The following ARAP3 variants were observed in gnomAD, a reference collection of about 807,000 sequenced individuals.
The protein encoded by ARAP3 is arf-GAP with Rho-GAP domain, ANK repeat and PH domain-containing protein 3.
In ARAP3, 82 loss-of-function variants were observed where a neutral mutation model predicts 169.2. The ratio of observed to expected loss-of-function variants is 0.48; its 90% CI spans 0.41 to 0.58. The LOEUF is 0.58. ARAP3 is among the 20% of genes least tolerant of loss of function. The probability of loss-of-function intolerance (pLI) is 0.00; values close to 1 mark genes in which losing one functional copy is unlikely to be tolerated. For synonymous variants in ARAP3, 791 were observed against 800.3 expected (o/e 0.99, Z 0.20); for missense variants, 1,764 against 2,018.0 (o/e 0.87, Z 2.41).
Position 141,656,832 on chromosome 5 carries a change from G to C in ARAP3, c.3541C>G (p.Pro1181Ala), listed in dbSNP as rs1236004557. 1.2e-6 allele frequency: 2 copies of C among 1,613,314 alleles called. No individual in the cohort carries two copies. The highest frequency in any genetic ancestry group is 1.7e-5 in the Admixed American group (1 of 59,868). Residue 1181 changes from proline (P) to alanine (A), a missense_variant, in exon 26 of 33, where the codon CCC (proline) becomes GCC (alanine). Physicochemically the swap from Pro to Ala is conservative, Grantham distance 27. This residue lies in a region of ARAP3 where 1,112 missense variants were observed against 1,285.7 expected (regional missense o/e 0.86). Coordinates refer to ENST00000239440, the MANE Select transcript of ARAP3 (RefSeq NM_022481.6). ...GCCTGCTCTAAGACCTTTTCCTTGG[G>C]ATGCAGTGGCCGCTCTTAAGGGGAA... ...EHGELERPLH[P>A]KEKVLEQALQ...
rs1306113000 is a variant in ARAP3, at chr5:141,658,586, G to T, written c.3404C>A (p.Thr1135Asn). 3 of 1,613,718 alleles carry T rather than the reference G, an allele frequency of 1.9e-6. No individual in the cohort carries two copies. Among genetic ancestry groups the T allele is most frequent in the East Asian group, 2.2e-5 (1 of 44,878 alleles). ...IEQQLPDNCVTLKVSPTLTAE... is the reference protein window; with the variant it reads ...IEQQLPDNCVNLKVSPTLTAE... Reference sequence around the variant, plus strand: ...AGTCCCCTCAGGACCAACCTTCAGGGTGACACAGTTGTCTGGGAGCTGCTG... The same window carrying T: ...AGTCCCCTCAGGACCAACCTTCAGGTTGACACAGTTGTCTGGGAGCTGCTG... The change falls in exon 24 of 33, where the codon ACC becomes AAC. Residue 1135 changes from threonine (T) to asparagine (N), a missense_variant. By Grantham distance (65) the Thr-to-Asn change is moderately conservative (BLOSUM62 0). Around this residue, in one of 3 missense-constraint regions of ARAP3, gnomAD observed 1,112 missense variants for 1,285.7 expected, o/e 0.86. Coordinates refer to ENST00000239440, the MANE Select transcript of ARAP3 (RefSeq NM_022481.6).
In ARAP3 at chr5:141,672,099, C is replaced by T. The variant is rs1562419930; in HGVS notation, c.1585+3G>A. 7 of 1,614,176 alleles carry T rather than the reference C, an allele frequency of 4.3e-6. No homozygotes were observed. Among genetic ancestry groups the T allele is most frequent in the Non-Finnish European group, 4.2e-6 (5 of 1,180,006 alleles). ...CCCACATGGGCTTGAGGCCATTCCTCACCTGCACACTGCTTGCAGATGACC... is the reference window on the plus strand; with the variant it reads ...CCCACATGGGCTTGAGGCCATTCCTTACCTGCACACTGCTTGCAGATGACC... On this transcript the variant is annotated splice_donor_region_variant and intron_variant, in intron 10 of 32. Coordinates refer to ENST00000239440, the MANE Select transcript of ARAP3 (RefSeq NM_022481.6). This position sits in a 1 kb window ranked among gnomAD's most constrained non-coding sequence, Gnocchi z 4.9.
Position 141,675,582 on chromosome 5 carries a change from G to T in ARAP3, c.699-1774C>A, listed in dbSNP as rs1364649512. On this transcript the variant is annotated intron_variant, in intron 4 of 32. Coordinates refer to ENST00000239440, the MANE Select transcript of ARAP3 (RefSeq NM_022481.6). ...AAAAATACAAAAAAAAATTAGCCAG[G>T]TGTGCTGGCGGGCGCCTGTAATTCC... is the stretch of plus-strand genomic sequence containing the variant. 2.0e-5 allele frequency among the ~76,000 whole-genome samples: 3 copies of T among 152,016 alleles called. No individual in the cohort carries two copies. In the East Asian group the frequency reaches 5.8e-4, roughly 29 times the overall value.
rs143455055 is a variant in ARAP3 at position 141,666,468 on chromosome 5, G to C, written c.2528C>G (p.Pro843Arg). 1,164 of 1,594,578 alleles carry C rather than the reference G, an allele frequency of 7.3e-4. 2 individuals are homozygous for C. The highest frequency in any genetic ancestry group is 9.4e-4 in the Non-Finnish European group (1,104 of 1,170,384). ...FLCSAPGPGPPAPEDMVHLRR... is the reference protein window; with the variant it reads ...FLCSAPGPGPRAPEDMVHLRR... ...CAGATGCACCATGTCCTCAGGGGCTGGGGGGCCTGGGCCCGGCGCTGAGCA... is the reference window on the plus strand; with the variant it reads ...CAGATGCACCATGTCCTCAGGGGCTCGGGGGCCTGGGCCCGGCGCTGAGCA... The change falls in exon 17 of 33, where the codon CCA (proline) becomes CGA (arginine). Residue 843 changes from proline to arginine, a missense_variant. Physicochemically the swap from Pro to Arg is moderately radical, Grantham distance 103. This residue lies in a region of ARAP3 where 1,112 missense variants were observed against 1,285.7 expected (regional missense o/e 0.86). Coordinates refer to ENST00000239440, the MANE Select transcript of ARAP3 (RefSeq NM_022481.6).
chr5:141,665,427 CTATTATT>C, intron 17 of ARAP3, 53 bp from the exon 18 acceptor site: 1 of 1,580,982 alleles, frequency 6.3e-7, no homozygotes, highest in East Asian at 2.2e-5. Context: ...ATTATAGAGA[CTATTATT>C]TATTAAATGC....
rs1444583936 is a variant in ARAP3 at position 141,654,167 on chromosome 5, C to T, written c.4418G>A (p.Ser1473Asn). 6.2e-7 allele frequency: 1 copy of T among 1,613,808 alleles called. No individual in the cohort carries two copies. Among genetic ancestry groups the T allele is most frequent in the Non-Finnish European group, 8.5e-7 (1 of 1,179,808 alleles). ...PEPPPGPPSK[S>N]SPQARGSLEE... The stretch of plus-strand genomic sequence containing the variant: ...TAGGGACCCCCGTGCCTGGGGACTG[C>T]TCTTTGAAGGGGGGCCTGGAGGGGG... Residue 1473 changes from serine (S) to asparagine (N), a missense_variant, in exon 33 of 33, where the codon AGC becomes AAC. Coordinates refer to ENST00000239440, the MANE Select transcript of ARAP3 (RefSeq NM_022481.6).
At position 141,654,438 on chromosome 5, in the gene ARAP3, G is replaced by A; in HGVS notation, c.4150-3C>T. The A allele has an allele frequency of 6.4e-7, 1 of 1,562,378 alleles. No individual in the cohort carries two copies. The highest frequency in any genetic ancestry group is 1.4e-5 in the African/African-American group (1 of 73,506). On this transcript the variant is annotated splice_region_variant and splice_polypyrimidine_tract_variant and intron_variant, in intron 32 of 32. Coordinates refer to ENST00000239440, the MANE Select transcript of ARAP3 (RefSeq NM_022481.6). ...GACCCCTGGGATGACTTCATTGGCT[G>A]GATGGGAATGGAATGGCAGGAGTGG...
At chr5:141,681,419 A>C (rs955668306) in intron 1 of ARAP3, among the ~76,000 whole-genome samples, 4 of 151,776 alleles carry the variant, frequency 2.6e-5, no homozygotes, top group African/African-American at 9.7e-5. Context: ...TTCCCTGCTC[A>C]TTCCCTTGGG....
At position 141,672,767 on chromosome 5, in the gene ARAP3, C is replaced by T. The variant is rs2099911619; in HGVS notation, c.1252G>A (p.Glu418Lys). Residue 418 changes from glutamate (E) to lysine (K), a missense_variant, in exon 8 of 33, where the codon GAG becomes AAG. Coordinates refer to ENST00000239440, the MANE Select transcript of ARAP3 (RefSeq NM_022481.6). This position sits in a 1 kb window ranked among gnomAD's most constrained non-coding sequence, Gnocchi z 4.9. The part of the protein sequence containing the change: ...AKVFAALSPG[E>K]LALYKSEQAF... ...TGCTCACTCTTGTACAGTGCCAGCT[C>T]TCCAGGGCTCAAGGCAGCAAACACC... 20 of 1,614,028 alleles carry T rather than the reference C, an allele frequency of 1.2e-5. No homozygotes were observed. The highest frequency in any genetic ancestry group is 1.6e-5 in the Non-Finnish European group (19 of 1,180,036).
intron 6 of ARAP3, 112 bp downstream of exon 6, chr5:141,673,289 G>T: frequency 6.4e-7 from 1 of 1,557,382 alleles, no homozygotes; most frequent in Middle Eastern, 1.7e-4. Flanking sequence ...CATCAGTCAT[G>T]CAGTCACTGC....
Position 141,670,517 on chromosome 5 carries a change from C to A in ARAP3, c.2102G>T (p.Arg701Leu). The change falls in exon 14 of 33, where the codon CGG (arginine) becomes CTG (leucine). Residue 701 changes from arginine to leucine, a missense_variant. Physicochemically the swap from Arg to Leu is moderately radical, Grantham distance 102. This residue lies in a region of ARAP3 where 1,112 missense variants were observed against 1,285.7 expected (regional missense o/e 0.86). Coordinates refer to ENST00000239440, the MANE Select transcript of ARAP3 (RefSeq NM_022481.6). ...KAGPSPPRRG[R>L]DAPPRLWCVL... Reference sequence around the variant, plus strand: ...ATCCCTTGGCTCCCCCTCACCATCCCGGCCCCTGCGAGGGGGTGAGGGTCC... The same window carrying A: ...ATCCCTTGGCTCCCCCTCACCATCCAGGCCCCTGCGAGGGGGTGAGGGTCC... 6.2e-7 allele frequency: 1 copy of A among 1,613,908 alleles called. No individual in the cohort carries two copies. The highest frequency in any genetic ancestry group is 8.5e-7 in the Non-Finnish European group (1 of 1,179,842).
In ARAP3 at chr5:141,653,821, G is replaced by A. The variant is rs544796161; in HGVS notation, c.*129C>T. On this transcript the variant is annotated 3_prime_UTR_variant, in exon 33 of 33. Transcript: ENST00000239440. ...CGCAGCCACTGAAGCCTTTAGTCCA[G>A]TGCTCCTTCCACAGCACCACACTGG... 2.6e-4 allele frequency: 349 copies of A among 1,357,340 alleles called. No homozygotes were observed. Among genetic ancestry groups the A allele is most frequent in the Non-Finnish European group, 3.3e-4 (335 of 1,011,854 alleles). 84.1% of individuals were successfully genotyped at this position (1,357,340 alleles called of 1,614,324 possible). A position where few individuals can be genotyped will look rare whatever the true frequency, so the allele number is the denominator to read the frequency against.
intron 19 of ARAP3, among the ~76,000 whole-genome samples, chr5:141,663,596 C>T (rs1021449863): frequency 1.3e-5 from 2 of 152,210 alleles, no homozygotes; most frequent in African/African-American, 4.8e-5. Context: ...GCCCCATATT[C>T]TTTCTTCAGG....
In ARAP3 at chr5:141,665,305, ATT is replaced by A. The variant is rs755306496; in HGVS notation, c.2636+4_2636+5del. On this transcript the variant is annotated splice_donor_5th_base_variant and intron_variant, in intron 18 of 32. Coordinates refer to ENST00000239440, the MANE Select transcript of ARAP3 (RefSeq NM_022481.6). ...GAGCCCCAGGTCAAGGGCAGGGGCA[ATT>A]TACCTTCCTGTCTCCACCAGGACCA... The A allele has an allele frequency of 3.1e-6, 5 of 1,614,170 alleles. No homozygotes were observed. The South Asian group carries it at 5.5e-5, about 18-fold the overall frequency.
In ARAP3 at chr5:141,665,170, G is replaced by A. The variant is rs2099910469; in HGVS notation, c.2637-85C>T. Reference sequence around the variant, plus strand: ...AGACTTCCCAGAGCCACCAGCAGAGGGCAGCAACACCCAACCCAAATCATC... The same window carrying A: ...AGACTTCCCAGAGCCACCAGCAGAGAGCAGCAACACCCAACCCAAATCATC... On this transcript the variant is annotated intron_variant, in intron 18 of 32. Coordinates refer to ENST00000239440, the MANE Select transcript of ARAP3 (RefSeq NM_022481.6). 3.2e-6 allele frequency: 5 copies of A among 1,563,036 alleles called. No individual in the cohort carries two copies. The Admixed American group carries it at 7.3e-5, about 23-fold the overall frequency.
intron 4 of ARAP3, 110 bp from the exon 5 acceptor site, chr5:141,673,918 G>T: frequency 2.2e-6 from 2 of 906,600 alleles, no homozygotes; most frequent in South Asian, 2.0e-5. Context: ...TGCCTGGCAG[G>T]TACTGGATCT....
In ARAP3 at chr5:141,672,369, T is replaced by C; in HGVS notation, c.1386-68A>G. 1 of 1,591,526 alleles carries C rather than the reference T, an allele frequency of 6.3e-7. No homozygotes were observed. Among genetic ancestry groups the C allele is most frequent in the Non-Finnish European group, 8.6e-7 (1 of 1,163,466 alleles). On this transcript the variant is annotated intron_variant, in intron 9 of 32. Transcript: ENST00000239440. The surrounding 1 kb of genome is among the most constrained non-coding windows in gnomAD (Gnocchi z 4.9). ...CATGTCCCATCCCCCTGGCTCTTCC[T>C]GCAGGAGCCACCACAGGCCACACCT... is the stretch of plus-strand genomic sequence containing the variant.
rs2099911379 is a variant in ARAP3 at position 141,671,107 on chromosome 5, A to G, written c.1990+158T>C. On this transcript the variant is annotated intron_variant, in intron 13 of 32. Coordinates refer to ENST00000239440, the MANE Select transcript of ARAP3 (RefSeq NM_022481.6). The surrounding 1 kb of genome is among the most constrained non-coding windows in gnomAD (Gnocchi z 4.9). ...AGCCATGACCGTCATCAGCTATCAC[A>G]TGACATCAGGAGATAGGCCCTGGAG... is the stretch of plus-strand genomic sequence containing the variant. Among the ~76,000 whole-genome samples, 2 of 152,220 alleles carry G rather than the reference A, an allele frequency of 1.3e-5. No individual in the cohort carries two copies. Among genetic ancestry groups the G allele is most frequent in the Admixed American group, 6.5e-5 (1 of 15,284 alleles).
At chr5:141,661,908 C>T in intron 20 of ARAP3, 119 bp from the exon 21 acceptor site, 2 of 1,488,712 alleles carry the variant, frequency 1.3e-6, no homozygotes, top group South Asian at 2.4e-5. Flanking sequence ...CCCTTCCCAC[C>T]TCCCCCTGAG....
Sources: allele counts gnomAD v4.1 joint callset (sites outside exome capture counted in the v4.1 genomes callset), GRCh38; gene constraint gnomAD v4.1.1; regional missense constraint gnomAD v4.1.1; non-coding constraint Gnocchi (gnomAD v3.1); transcripts MANE v1.5; gene names NCBI Gene and HGNC (gene_info 2026-07-23, HGNC 2026-07-21).